Variants in RBFOX1 observed in about 807,000 individuals in gnomAD.
RBFOX1 encodes RNA binding protein fox-1 homolog 1.
A neutral mutation model predicts 57.7 loss-of-function variants in RBFOX1; 8 were observed. The observed-to-expected ratio is 0.14, with a 90% CI of 0.08 to 0.25. The LOEUF is 0.25. Among genes scored for constraint, RBFOX1 ranks in the 10% least tolerant of loss-of-function variants. RBFOX1 has a pLI of 1.00. For synonymous variants in RBFOX1, 326 were observed against 222.4 expected, an observed-to-expected ratio of 1.47 and a Z score of -4.15; for missense variants, 611 against 548.5, an observed-to-expected ratio of 1.11 and a Z score of -1.14.
At chr16:6,476,731 T>G (rs1259672790) in intron 2 of RBFOX1, among the ~76,000 whole-genome samples, 5 of 152,188 alleles carry the variant, frequency 3.3e-5, no homozygotes, top group Non-Finnish European at 1.5e-5. Context: ...CAGTGAAGTT[T>G]ATCACATGGA....
intron 3 of RBFOX1, among the ~76,000 whole-genome samples, chr16:6,856,344 T>C (rs1177255127): frequency 2.0e-5 from 3 of 152,136 alleles, no homozygotes; most frequent in Admixed American, 2.0e-4. Flanking sequence ...CACGTCTGAA[T>C]TCTGAGTAAC....
At chr16:6,899,590 A>G (rs2067943184) in intron 3 of RBFOX1, among the ~76,000 whole-genome samples, 1 of 152,226 alleles carries the variant, frequency 6.6e-6, no homozygotes, top group Admixed American at 6.5e-5. Flanking sequence ...GATTTTGAGC[A>G]CAGCTCCAGA....
At chr16:7,262,410 G>A (rs919311154) in intron 4 of RBFOX1, among the ~76,000 whole-genome samples, 10 of 151,890 alleles carry the variant, frequency 6.6e-5, no homozygotes, top group South Asian at 4.2e-4. Context: ...TGGAAAATAC[G>A]GCACTGAAAA....
At chr16:6,085,944 T>C (rs893769177) in intron 1 of RBFOX1, among the ~76,000 whole-genome samples, 1 of 152,104 alleles carries the variant, frequency 6.6e-6, no homozygotes, top group Non-Finnish European at 1.5e-5. Context: ...AAGCCCCACA[T>C]GCATTAGCCA....
intron 1 of RBFOX1, among the ~76,000 whole-genome samples, chr16:6,164,098 G>T (rs886450074): frequency 6.6e-6 from 1 of 152,272 alleles, no homozygotes; most frequent in South Asian, 2.1e-4. Context: ...TGTACTCAAT[G>T]TTGCCTCTTT....
chr16:7,296,738 G>A (rs1018635999), intron 4 of RBFOX1, among the ~76,000 whole-genome samples: 3 of 152,122 alleles, frequency 2.0e-5, no homozygotes, highest in Non-Finnish European at 2.9e-5. Context: ...CAGAGTCCCA[G>A]GACTCTGGGC....
At chr16:6,680,909 A>G (rs2058553475) in intron 3 of RBFOX1, among the ~76,000 whole-genome samples, 1 of 152,242 alleles carries the variant, frequency 6.6e-6, no homozygotes, top group Admixed American at 6.5e-5. Flanking sequence ...TATTTATACA[A>G]AGATTACAAT....
intron 2 of RBFOX1, among the ~76,000 whole-genome samples, chr16:6,639,878 CAAAAACA>C (rs547840553): frequency 5.5e-4 from 83 of 151,994 alleles, no homozygotes; most frequent in East Asian, 5.3e-3. Flanking sequence ...GACTGTGTCT[CAAAAACA>C]AAAAACAAAA....
intron 4 of RBFOX1, among the ~76,000 whole-genome samples, chr16:7,270,834 C>G (rs2095301895): frequency 6.6e-6 from 1 of 152,088 alleles, no homozygotes; most frequent in South Asian, 2.1e-4. Context: ...CTTTCTGAGC[C>G]AACTCTCTAA....
At chr16:5,273,209 C>A (rs1191376741) in intron 1 of RBFOX1, among the ~76,000 whole-genome samples, 3 of 151,822 alleles carry the variant, frequency 2.0e-5, no homozygotes, top group Non-Finnish European at 4.4e-5. Context: ...GAGCTCAAAG[C>A]CACGATTGCT....
At chr16:7,077,202 A>G (rs767239266) in intron 4 of RBFOX1, among the ~76,000 whole-genome samples, 2 of 152,218 alleles carry the variant, frequency 1.3e-5, no homozygotes, top group Admixed American at 6.5e-5. Flanking sequence ...TAATGCTCCA[A>G]TCAGGCTAGT....
At chr16:5,523,286 A>G (rs76276466) in intron 2 of RBFOX1, among the ~76,000 whole-genome samples, 1 of 146,792 alleles carries the variant, frequency 6.8e-6, no homozygotes, top group Non-Finnish European at 1.5e-5. Context: ...ACTCTGTTTC[A>G]AAAAAAACAG....
chr16:7,640,716 A>T (rs182800164), intron 11 of RBFOX1, among the ~76,000 whole-genome samples: 3 of 152,100 alleles, frequency 2.0e-5, no homozygotes, highest in Non-Finnish European at 2.9e-5. Context: ...TAATGCTCAC[A>T]TTTTCTTAAG....
chr16:5,416,131 T>G (rs962849661), intron 1 of RBFOX1, among the ~76,000 whole-genome samples: 4 of 152,230 alleles, frequency 2.6e-5, no homozygotes, highest in African/African-American at 9.7e-5. Flanking sequence ...ACATGAAGCC[T>G]TCACTCTGTG....
intron 4 of RBFOX1, among the ~76,000 whole-genome samples, chr16:7,110,224 G>A (rs1904223): frequency 6.6e-6 from 1 of 150,934 alleles, no homozygotes; most frequent in Non-Finnish European, 1.5e-5. Context: ...GCCAGGTGTG[G>A]CACCACCCTC....
chr16:7,063,618 C>G (rs2055158984), intron 4 of RBFOX1, among the ~76,000 whole-genome samples: 1 of 152,126 alleles, frequency 6.6e-6, no homozygotes, highest in Non-Finnish European at 1.5e-5. Flanking sequence ...ATGTCTCAGC[C>G]TTATCCTAGG....
At chr16:6,889,074 C>T (rs926531327) in intron 3 of RBFOX1, among the ~76,000 whole-genome samples, 5 of 152,244 alleles carry the variant, frequency 3.3e-5, no homozygotes, top group Admixed American at 6.5e-5. Context: ...CTTATAGACA[C>T]GGGTTGGTTA....
chr16:6,509,157 C>T (rs1004121950), intron 2 of RBFOX1, among the ~76,000 whole-genome samples: 1 of 152,094 alleles, frequency 6.6e-6, no homozygotes, highest in Admixed American at 6.6e-5. Flanking sequence ...ACCTTTAATG[C>T]AGAGAGGATC....
chr16:5,830,902 C>G (rs919406133), intron 3 of RBFOX1, among the ~76,000 whole-genome samples: 1 of 152,206 alleles, frequency 6.6e-6, no homozygotes, highest in East Asian at 1.9e-4. Flanking sequence ...ACATTTGAGC[C>G]TCTCCTGTGA....
Sources: gnomAD v4.1 joint callset for allele counts (sites outside exome capture counted in the v4.1 genomes callset) on GRCh38, gnomAD v4.1.1 for gene constraint, MANE v1.5 for transcripts, NCBI Gene and HGNC (gene_info 2026-07-23, HGNC 2026-07-21) for gene names.